The following ARRB2 variants were observed in gnomAD, a reference collection of about 807,000 sequenced individuals.
ARRB2 encodes the protein beta-arrestin-2.
ARRB2 carries 21 observed loss-of-function variants against 53.4 expected under a neutral mutation model. The observed-to-expected ratio is 0.39, with a 90% CI of 0.28 to 0.57. The LOEUF (loss-of-function observed/expected upper bound fraction) is 0.57. Ranked by LOEUF, ARRB2 falls within the 20% of genes least tolerant of loss-of-function variation. The probability of loss-of-function intolerance (pLI) is 0.55; values close to 1 mark genes in which losing one functional copy is unlikely to be tolerated. For missense variants in ARRB2, 369 were observed against 527.5 expected (o/e 0.70, Z 2.94); for synonymous variants, 180 against 212.9 (o/e 0.85, Z 1.34).
At chr17:4,719,137 C>T in intron 10 of ARRB2, 146 bp from the exon 11 acceptor site, 1 of 904,010 alleles carries the variant, frequency 1.1e-6, no homozygotes, top group Non-Finnish European at 1.6e-6. Context: ...TTTTCTTGAG[C>T]ACGTTGAGCC....
chr17:4,716,209 AGGGGGCCCAGGGAAAGT>A lies in ARRB2; in HGVS notation c.160+25_160+41del. 1 of 1,613,754 alleles carries A rather than the reference AGGGGGCCCAGGGAAAGT, an allele frequency of 6.2e-7. No homozygotes were observed. Among genetic ancestry groups the A allele is most frequent in the Non-Finnish European group, 8.5e-7 (1 of 1,179,924 alleles). On this transcript the variant is annotated intron_variant, in intron 4 of 14. Transcript: ENST00000269260. ...CCGCAAAGGTACTGGCCCCAAGTCC[AGGGGGCCCAGGGAAAGT>A]GGGGGCTAGGGAAGTGAAATGGGCT...
chr17:4,716,773 C>T, intron 5 of ARRB2, 165 bp downstream of exon 5: 1 of 1,321,288 alleles, frequency 7.6e-7, no homozygotes, highest in Non-Finnish European at 1.0e-6. Context: ...CCTTGATTAT[C>T]TGCCTCCTCT....
intron 5 of ARRB2, chr17:4,716,921 G>A (rs139244790): frequency 0.031 from 18,461 of 596,506 alleles, 456 homozygotes; most frequent in Non-Finnish European, 0.038. Flanking sequence ...TGCAACCTCC[G>A]CCTCCCAGGT....
intron 11 of ARRB2, 54 bp downstream of exon 11, chr17:4,719,474 C>G: frequency 6.3e-7 from 1 of 1,598,040 alleles, no homozygotes; most frequent in African/African-American, 1.3e-5. Context: ...GACGTCGGTT[C>G]AGTGCTCTAT....
intron 1 of ARRB2, among the ~76,000 whole-genome samples, chr17:4,711,706 G>A (rs1914428101): frequency 6.6e-6 from 1 of 152,152 alleles, no homozygotes; most frequent in Non-Finnish European, 1.5e-5. Context: ...CCGTCTCCTG[G>A]ATCAGGGTTT....
Position 4,717,455 on chromosome 17 carries a change from C to T in ARRB2, c.417+179C>T. 1.1e-6 allele frequency: 1 copy of T among 892,150 alleles called. No homozygotes were observed. Among genetic ancestry groups the T allele is most frequent in the Non-Finnish European group, 1.8e-6 (1 of 568,816 alleles). The allele number at this position is 892,150 out of a possible 1,614,324, so 55.3% of individuals were successfully genotyped here. A position where few individuals can be genotyped will look rare whatever the true frequency, so the allele number is the denominator to read the frequency against. On this transcript the variant is annotated intron_variant, in intron 6 of 14. Transcript: ENST00000269260. This position sits in a 1 kb window ranked among gnomAD's most constrained non-coding sequence, Gnocchi z 6.0. ...TCATTGTGCACGCATGACACTGCCTCCTGCTCTGTGGACCCGCATGGATCT... is the reference window on the plus strand; with the variant it reads ...TCATTGTGCACGCATGACACTGCCTTCTGCTCTGTGGACCCGCATGGATCT...
chr17:4,720,090 G>A (rs1470398082), intron 11 of ARRB2, 126 bp from the exon 12 acceptor site: 7 of 932,198 alleles, frequency 7.5e-6, no homozygotes, highest in Non-Finnish European at 1.0e-5. Context: ...CGCACGGCCT[G>A]GGCTGCTGGG....
chr17:4,716,394 C>T lies in ARRB2; in HGVS notation c.161-18C>T. On this transcript the variant is annotated intron_variant, in intron 4 of 14. Coordinates refer to ENST00000269260, the MANE Select transcript of ARRB2 (RefSeq NM_004313.4). ...GGAAGTGGGGCTCCTGACCACTCAT[C>T]TCACCCTCCCTTGCCAGTGTTTGTG... 6.2e-7 allele frequency: 1 copy of T among 1,614,100 alleles called. No individual in the cohort carries two copies. The highest frequency in any genetic ancestry group is 1.7e-5 in the Admixed American group (1 of 60,030).
chr17:4,718,405 T>A, intron 9 of ARRB2, 60 bp downstream of exon 9: 1 of 1,539,100 alleles, frequency 6.5e-7, no homozygotes, highest in Non-Finnish European at 8.9e-7. Context: ...AGGTGGCTCC[T>A]GGTGTGATCT....
Position 4,716,425 on chromosome 17 carries a change from C to T in ARRB2, c.174C>T (p.Leu58=), listed in dbSNP as rs1308870061. ...YLKDRKVFVT[L]TCAFRYGRED... is the part of the protein sequence containing the mutation. The stretch of plus-strand genomic sequence containing the variant: ...CTCCCTTGCCAGTGTTTGTGACCCT[C>T]ACCTGCGCCTTCCGCTATGGCCGTG... Residue 58 remains leucine, a synonymous_variant, in exon 5 of 15, where the codon CTC becomes CTT. Coordinates refer to ENST00000269260, the MANE Select transcript of ARRB2 (RefSeq NM_004313.4). 6 of 1,614,070 alleles carry T rather than the reference C, an allele frequency of 3.7e-6. No homozygotes were observed. In the South Asian group the frequency reaches 5.5e-5, roughly 15 times the overall value.
chr17:4,710,894 T>G, intron 1 of ARRB2, 150 bp downstream of exon 1: 3 of 362,276 alleles, frequency 8.3e-6, no homozygotes, highest in East Asian at 4.0e-5. Context: ...GCGCAGGTCC[T>G]CGAGGATAAT....
rs765279006 is a variant in ARRB2 at position 4,717,711 on chromosome 17, A to T, written c.444A>T (p.Arg148=). 1.9e-6 allele frequency: 3 copies of T among 1,613,980 alleles called. No individual in the cohort carries two copies. The African/African-American group carries it at 4.0e-5, about 22-fold the overall frequency. ...CCTGCGGCGTAGACTTTGAGATTCGAGCCTTCTGTGCTAAATCACTAGAAG... is the reference window on the plus strand; with the variant it reads ...CCTGCGGCGTAGACTTTGAGATTCGTGCCTTCTGTGCTAAATCACTAGAAG... The part of the protein sequence containing the change: ...GKACGVDFEI[R]AFCAKSLEEK... The change falls in exon 7 of 15, where the codon CGA becomes CGT. Residue 148 remains arginine (R), a synonymous_variant. Coordinates refer to ENST00000269260, the MANE Select transcript of ARRB2 (RefSeq NM_004313.4). This position sits in a 1 kb window ranked among gnomAD's most constrained non-coding sequence, Gnocchi z 6.0.
rs1341287428 is a variant in ARRB2, at chr17:4,715,554, AACACACACACACGGACAC to A, written c.55-406_55-389del. 6.9e-5 allele frequency: 16 copies of A among 232,664 alleles called. No individual in the cohort carries two copies. In the East Asian group the frequency reaches 7.5e-4, roughly 11 times the overall value. The allele number at this position is 232,664 out of a possible 1,614,324, so 14.4% of individuals were successfully genotyped here. A position where few individuals can be genotyped will look rare whatever the true frequency, so the allele number is the denominator to read the frequency against. On this transcript the variant is annotated intron_variant, in intron 2 of 14. Transcript: ENST00000269260. ...GGGCTGAGTCCTCCCTGAGGATGCA[AACACACACACACGGACAC>A]ACACACACACACACGGACACACACA...
In ARRB2 at chr17:4,719,569, T is replaced by A. The variant is rs569748547; in HGVS notation, c.917+149T>A. 9.4e-5 allele frequency: 113 copies of A among 1,201,254 alleles called. No homozygotes were observed. In the South Asian group the frequency reaches 1.7e-3, roughly 18 times the overall value. 74.4% of individuals were successfully genotyped at this position (1,201,254 alleles called of 1,614,324 possible). On this transcript the variant is annotated intron_variant, in intron 11 of 14. Coordinates refer to ENST00000269260, the MANE Select transcript of ARRB2 (RefSeq NM_004313.4). ...GGGGAGGGAGGATAGCCAAATCTGA[T>A]CAGTGGTCACTGTACAGCAGGTTTA... is the stretch of plus-strand genomic sequence containing the variant.
At position 4,718,523 on chromosome 17, in the gene ARRB2, T is replaced by TG. The variant is rs3830452; in HGVS notation, c.707-82dup. ...GTGTTTACTGCTTCAGTGGGGAGCA[T>TG]GGGGGGGCCACGCCACGGGGTCTGG... On this transcript the variant is annotated intron_variant, in intron 9 of 14. Transcript: ENST00000269260. The TG allele has an allele frequency of 1.3e-3, 1,794 of 1,395,586 alleles. 22 individuals are homozygous for TG. In the East Asian group the frequency reaches 0.031, roughly 24 times the overall value. 86.5% of individuals were successfully genotyped at this position (1,395,586 alleles called of 1,614,324 possible).
At chr17:4,714,988 G>A in intron 1 of ARRB2, 25 bp from the exon 2 acceptor site, 1 of 1,590,484 alleles carries the variant, frequency 6.3e-7, no homozygotes, top group Non-Finnish European at 8.6e-7. Flanking sequence ...GGGAGGCAGT[G>A]GGGTTTCCCT....
At position 4,719,351 on chromosome 17, in the gene ARRB2, G is replaced by A. The variant is rs775447287; in HGVS notation, c.848G>A (p.Arg283Gln). 1.3e-5 allele frequency: 21 copies of A among 1,614,016 alleles called. No individual in the cohort carries two copies. In the East Asian group the frequency reaches 2.5e-4, roughly 19 times the overall value. ...YTITPLLSDN[R>Q]EKRGLALDGK... ...ATAACCCCACTGCTCAGCGACAACCGGGAGAAGCGGGGTCTCGCCCTGGAT... is the reference window on the plus strand; with the variant it reads ...ATAACCCCACTGCTCAGCGACAACCAGGAGAAGCGGGGTCTCGCCCTGGAT... The change falls in exon 11 of 15, where the codon CGG (arginine) becomes CAG (glutamine). Residue 283 changes from arginine to glutamine, a missense_variant. Coordinates refer to ENST00000269260, the MANE Select transcript of ARRB2 (RefSeq NM_004313.4).
chr17:4,715,720 C>CACACAA (rs57392862), intron 2 of ARRB2: 13,459 of 391,842 alleles, frequency 0.034, 214 homozygotes, highest in East Asian at 0.054. Flanking sequence ...CACACACACA[C>CACACAA]ACACAAACAC....
intron 5 of ARRB2, 144 bp downstream of exon 5, chr17:4,716,752 A>C (rs934235762): frequency 1.4e-6 from 2 of 1,407,602 alleles, no homozygotes; most frequent in Non-Finnish European, 1.9e-6. Flanking sequence ...GTCCCAGTGC[A>C]TTCAGGAAGC....
Sources: gnomAD v4.1 joint callset for allele counts (sites outside exome capture counted in the v4.1 genomes callset) on GRCh38, gnomAD v4.1.1 for gene constraint, Gnocchi (gnomAD v3.1) non-coding constraint, MANE v1.5 for transcripts, NCBI Gene and HGNC (gene_info 2026-07-23, HGNC 2026-07-21) for gene names.